The following NCOR1 variants were observed in gnomAD, a reference collection of about 807,000 sequenced individuals.
NCOR1 encodes protein phosphatase 1, regulatory subunit 109.
A neutral mutation model predicts 288.1 loss-of-function variants in NCOR1; 63 were observed. The observed-to-expected ratio is 0.22, with a 90% CI of 0.18 to 0.27. The LOEUF is 0.27. Ranked by LOEUF, NCOR1 falls within the 10% of genes least tolerant of loss-of-function variation. The probability of loss-of-function intolerance (pLI) is 1.00; values close to 1 mark genes in which losing one functional copy is unlikely to be tolerated. For missense variants in NCOR1, 2,397 were observed against 3,019.2 expected (o/e 0.79, Z 4.83); for synonymous variants, 1,007 against 1,065.9 (o/e 0.94, Z 1.08).
chr17:16,176,553 G>A (rs1286226149), intron 3 of NCOR1, among the ~76,000 whole-genome samples: 1 of 150,564 alleles, frequency 6.6e-6, no homozygotes, highest in Non-Finnish European at 1.5e-5. Flanking sequence ...GCAGGTGTGA[G>A]CCACCACGCC....
rs930804408 is a variant in NCOR1, at chr17:16,040,106, C to T, written c.6733+335G>A. On this transcript the variant is annotated intron_variant, in intron 43 of 45. Transcript: ENST00000268712. ...CACCCAGCCCAGAGACCATCTTAAT[C>T]CACAGATAACTCCTTAAGGAAATTT... is the stretch of plus-strand genomic sequence containing the variant. The T allele has an allele frequency of 6.1e-6, 3 of 492,080 alleles. No individual in the cohort carries two copies. The Admixed American group carries it at 6.9e-5, about 11-fold the overall frequency. 30.5% of individuals were successfully genotyped at this position (492,080 alleles called of 1,614,324 possible).
chr17:16,099,343 A>G (rs1201058748), intron 20 of NCOR1, among the ~76,000 whole-genome samples: 9 of 152,146 alleles, frequency 5.9e-5, no homozygotes, highest in African/African-American at 2.2e-4. Context: ...TCACTGGGGG[A>G]AGGTGAACAT....
chr17:16,106,641 T>G (rs1333566362), intron 19 of NCOR1, among the ~76,000 whole-genome samples: 4 of 151,928 alleles, frequency 2.6e-5, no homozygotes, highest in Admixed American at 2.6e-4. Context: ...CAATAAACAG[T>G]GCATCTGTGC....
In NCOR1 at chr17:16,032,051, T is replaced by A. The variant is rs943540371; in HGVS notation, c.*245A>T. On this transcript the variant is annotated 3_prime_UTR_variant, in exon 46 of 46. Coordinates refer to ENST00000268712, the MANE Select transcript of NCOR1 (RefSeq NM_006311.4). ...GTTCACTTTTTAAAAACTCTACATC[T>A]CAACCCTCCACTATTATTATAGTCC... The A allele has an allele frequency of 6.5e-6, 3 of 460,798 alleles. No homozygotes were observed. Among genetic ancestry groups the A allele is most frequent in the African/African-American group, 6.1e-5 (3 of 48,934 alleles). 28.5% of individuals were successfully genotyped at this position (460,798 alleles called of 1,614,324 possible).
intron 10 of NCOR1, among the ~76,000 whole-genome samples, chr17:16,145,371 T>C (rs982314535): frequency 6.7e-6 from 1 of 149,298 alleles, no homozygotes; most frequent in African/African-American, 2.5e-5. Flanking sequence ...TCGTCTGGGA[T>C]GTGGGGAGTG....
At chr17:16,143,062 AC>A (rs1186264001) in intron 11 of NCOR1, among the ~76,000 whole-genome samples, 1 of 152,090 alleles carries the variant, frequency 6.6e-6, no homozygotes, top group African/African-American at 2.4e-5. Context: ...GGACTATATC[AC>A]CTGCAGACAG....
intron 26 of NCOR1, among the ~76,000 whole-genome samples, chr17:16,079,302 A>C (rs1326815068): frequency 6.6e-6 from 1 of 152,232 alleles, no homozygotes; most frequent in Non-Finnish European, 1.5e-5. Flanking sequence ...TAGACAAATA[A>C]AAAACTTGTG....
At chr17:16,072,042 G>T in intron 29 of NCOR1, 103 bp downstream of exon 29, 1 of 901,094 alleles carries the variant, frequency 1.1e-6, no homozygotes, top group South Asian at 2.0e-5. Context: ...TATTTCAAAA[G>T]GGAAAATAAC....
At chr17:16,209,552 C>A (rs2091917445) in intron 1 of NCOR1, among the ~76,000 whole-genome samples, 1 of 150,098 alleles carries the variant, frequency 6.7e-6, no homozygotes, top group Non-Finnish European at 1.5e-5. Context: ...CAGACCCCAT[C>A]TCTATTTTTA....
At position 16,194,585 on chromosome 17, in the gene NCOR1, C is replaced by T. The variant is rs149293452; in HGVS notation, c.-16G>A. The T allele has an allele frequency of 2.9e-5, 42 of 1,472,892 alleles. No homozygotes were observed. Among genetic ancestry groups the T allele is most frequent in the Non-Finnish European group, 3.9e-5 (41 of 1,063,022 alleles). The allele number at this position is 1,472,892 out of a possible 1,614,324, so 91.2% of individuals were successfully genotyped here. On this transcript the variant is annotated 5_prime_UTR_variant, in exon 2 of 46. Transcript: ENST00000268712. ...AACTTGACATTATCAGTAAAGAAGT[C>T]CTCACCAGACTGTGAGATCAATGCC... is the stretch of plus-strand genomic sequence containing the variant.
chr17:16,153,887 G>A (rs992940434), intron 6 of NCOR1, among the ~76,000 whole-genome samples: 4 of 151,976 alleles, frequency 2.6e-5, no homozygotes, highest in African/African-American at 4.8e-5. Context: ...CTGTTAATGA[G>A]CTAATTTTCT....
intron 7 of NCOR1, 50 bp from the exon 8 acceptor site, chr17:16,152,048 TGAA>T (rs1568350422): frequency 3.2e-6 from 4 of 1,244,974 alleles, no homozygotes; most frequent in Non-Finnish European, 4.5e-6. Flanking sequence ...CATATGTCTA[TGAA>T]GAGACAAAGA....
rs139110160 is a variant in NCOR1, at chr17:16,113,578, G to C, written c.2055+4310C>G. On this transcript the variant is annotated intron_variant, in intron 18 of 45. Transcript: ENST00000268712. Reference sequence around the variant, plus strand: ...ATATGAAATCTTATACCATATCAAGGAACCCTTCATACTCTGTTAAAATCT... The same window carrying C: ...ATATGAAATCTTATACCATATCAAGCAACCCTTCATACTCTGTTAAAATCT... Among the ~76,000 whole-genome samples the C allele has an allele frequency of 2.6e-4, 39 of 152,088 alleles. No individual in the cohort carries two copies. The East Asian group carries it at 4.8e-3, about 19-fold the overall frequency.
At chr17:16,101,139 T>A in intron 20 of NCOR1, 111 bp downstream of exon 20, 1 of 1,081,604 alleles carries the variant, frequency 9.2e-7, no homozygotes, top group Non-Finnish European at 1.3e-6. Flanking sequence ...ACAGACTACC[T>A]ATAACGTGCC....
Position 16,031,282 on chromosome 17 carries a change from T to G in NCOR1, c.*1014A>C. ...TGCAGCATAAAGCTTATCTAAATAC[T>G]ACACAGATCATTATCTTTTAACCCA... On this transcript the variant is annotated 3_prime_UTR_variant, in exon 46 of 46. Coordinates refer to ENST00000268712, the MANE Select transcript of NCOR1 (RefSeq NM_006311.4). The G allele has an allele frequency of 5.1e-6, 1 of 194,666 alleles. No individual in the cohort carries two copies. The highest frequency in any genetic ancestry group is 1.1e-5 in the Non-Finnish European group (1 of 93,470). The allele number at this position is 194,666 out of a possible 1,614,324, so 12.1% of individuals were successfully genotyped here.
At chr17:16,209,107 T>A (rs2091874104) in intron 1 of NCOR1, among the ~76,000 whole-genome samples, 3 of 152,086 alleles carry the variant, frequency 2.0e-5, no homozygotes, top group Non-Finnish European at 4.4e-5. Context: ...TACAAAGGGC[T>A]TACGGTCTAG....
chr17:16,092,161 T>C (rs1212165611), intron 21 of NCOR1, 103 bp from the exon 22 acceptor site: 66 of 1,354,456 alleles, frequency 4.9e-5, no homozygotes, highest in South Asian at 1.9e-4. Context: ...ATTGGTTGAA[T>C]TGATTTTATC....
At chr17:16,105,304 A>C (rs751455537) in intron 19 of NCOR1, among the ~76,000 whole-genome samples, 15 of 152,064 alleles carry the variant, frequency 9.9e-5, no homozygotes, top group Non-Finnish European at 2.2e-4. Flanking sequence ...ATGGTCCCAG[A>C]TACTTGGGGG....
chr17:16,064,781 A>T, intron 34 of NCOR1, 89 bp downstream of exon 34: 11 of 1,304,480 alleles, frequency 8.4e-6, no homozygotes, highest in Non-Finnish European at 1.1e-5. Flanking sequence ...CAAATGAGGA[A>T]AAATTGCCCA....
Sources: gnomAD v4.1 joint callset for allele counts (sites outside exome capture counted in the v4.1 genomes callset) on GRCh38, gnomAD v4.1.1 for gene constraint, MANE v1.5 for transcripts, NCBI Gene and HGNC (gene_info 2026-07-23, HGNC 2026-07-21) for gene names.